DNAH8: variants seen among roughly 807,000 people sequenced by gnomAD.
DNAH8 encodes the protein dynein axonemal heavy chain 8, also known as axonemal beta dynein heavy chain 8.
In DNAH8, 382 loss-of-function variants were observed where a neutral mutation model predicts 562.1. That is an observed-to-expected ratio of 0.68 (90% CI 0.63 to 0.74). DNAH8 has a LOEUF of 0.74. DNAH8 is among the 30% of genes least tolerant of loss of function. The pLI is 0.00. For synonymous variants in DNAH8, 1,881 were observed against 1,919.4 expected (o/e 0.98, Z 0.52); for missense variants, 5,203 against 5,620.4 (o/e 0.93, Z 2.37).
rs911582290 is a variant in DNAH8 at position 38,838,460 on chromosome 6, G to A, written c.4466+418G>A. On this transcript the variant is annotated intron_variant, in intron 33 of 92. Transcript: ENST00000327475. The stretch of plus-strand genomic sequence containing the variant: ...GTTGCCCAGGCTGGAGTGCAGTGGC[G>A]CAATCTCGGCTCACTGCAAGCTCTG... Among the ~76,000 whole-genome samples, 5 of 144,434 alleles carry A rather than the reference G, an allele frequency of 3.5e-5. No homozygotes were observed. The East Asian group carries it at 6.4e-4, about 19-fold the overall frequency. 94.8% of individuals were successfully genotyped at this position (144,434 alleles called of 152,430 possible).
intron 66 of DNAH8, among the ~76,000 whole-genome samples, chr6:38,913,369 C>T (rs1003285063): frequency 9.2e-5 from 14 of 152,254 alleles, no homozygotes; most frequent in South Asian, 4.1e-4. Context: ...TTTTTCTCTA[C>T]GGTGCTAAAA....
intron 53 of DNAH8, among the ~76,000 whole-genome samples, chr6:38,879,657 C>T (rs1778311356): frequency 6.6e-6 from 1 of 152,182 alleles, no homozygotes; most frequent in Non-Finnish European, 1.5e-5. Flanking sequence ...ACAACAAGGA[C>T]GTCTTTCTCA....
chr6:38,787,241 T>C (rs760099308), intron 18 of DNAH8, among the ~76,000 whole-genome samples: 9 of 152,064 alleles, frequency 5.9e-5, no homozygotes, highest in Non-Finnish European at 1.3e-4. Context: ...ATAGATCTTG[T>C]GCATTAAATT....
intron 8 of DNAH8, among the ~76,000 whole-genome samples, chr6:38,743,034 T>TTTTTTTTTTAAAA: frequency 1.3e-5 from 1 of 76,434 alleles, no homozygotes; most frequent in South Asian, 4.2e-4. Context: ...TTTTTTTTTT[T>TTTTTTTTTTAAAA]AAAGACAGAA....
At chr6:38,776,438 G>C (rs1768087173) in intron 13 of DNAH8, among the ~76,000 whole-genome samples, 1 of 152,068 alleles carries the variant, frequency 6.6e-6, no homozygotes, top group African/African-American at 2.4e-5. Flanking sequence ...GGCTGGTCTT[G>C]AACTCCTGAC....
At chr6:38,856,512 T>G (rs1369867236) in intron 41 of DNAH8, among the ~76,000 whole-genome samples, 1 of 152,198 alleles carries the variant, frequency 6.6e-6, no homozygotes, top group Non-Finnish European at 1.5e-5. Context: ...TTTTTCTCTT[T>G]GTCTTTCCCC....
At chr6:39,023,315 A>G (rs917116959) in intron 91 of DNAH8, among the ~76,000 whole-genome samples, 9 of 152,064 alleles carry the variant, frequency 5.9e-5, no homozygotes, top group Admixed American at 2.0e-4. Context: ...ACACAGTGAA[A>G]CCCCGTCTCT....
At chr6:38,770,248 A>G (rs1285575330) in intron 11 of DNAH8, among the ~76,000 whole-genome samples, 165 bp from the exon 12 acceptor site, 1 of 151,120 alleles carries the variant, frequency 6.6e-6, no homozygotes, top group African/African-American at 2.4e-5. Context: ...ATGAGGATGA[A>G]TAAAAGTGAG....
chr6:38,910,264 A>C (rs942223909), intron 65 of DNAH8, among the ~76,000 whole-genome samples: 1 of 152,218 alleles, frequency 6.6e-6, no homozygotes, highest in African/African-American at 2.4e-5. Flanking sequence ...CAGCAATGGC[A>C]TGTTCATTAT....
At chr6:38,844,876 C>A (rs959667100) in intron 35 of DNAH8, among the ~76,000 whole-genome samples, 3 of 152,218 alleles carry the variant, frequency 2.0e-5, no homozygotes, top group African/African-American at 7.2e-5. Context: ...AGACCTCCCT[C>A]CTCAGAAATC....
At chr6:38,902,377 C>T (rs1780136432) in intron 62 of DNAH8, among the ~76,000 whole-genome samples, 3 of 152,290 alleles carry the variant, frequency 2.0e-5, no homozygotes, top group South Asian at 2.1e-4. Flanking sequence ...GAATATTCCT[C>T]TGCCCTAATC....
rs183671698 is a variant in DNAH8 at position 38,784,193 on chromosome 6, A to G, written c.2395+1054A>G. Among the ~76,000 whole-genome samples, 10 of 152,286 alleles carry G rather than the reference A, an allele frequency of 6.6e-5. No individual in the cohort carries two copies. The East Asian group carries it at 1.9e-3, about 29-fold the overall frequency. On this transcript the variant is annotated intron_variant, in intron 17 of 92. Transcript: ENST00000327475. ...GTTTCTGGGTGCTGTGCTATATGGT[A>G]GGACCCTGTGGACTCTAAAGAAAGC...
Position 38,915,218 on chromosome 6 carries a change from A to G in DNAH8, c.9981A>G (p.Thr3327=). Residue 3327 remains threonine (T), a synonymous_variant, in exon 68 of 93, where the codon ACA becomes ACG. Transcript: ENST00000327475. ...IKADEVLAEV[T]VSAQASAKIK... ...CTTAACAGGTATTAGCAGAAGTCAC[A>G]GTAAGCGCTCAGGCTTCAGCCAAAA... 6.2e-7 allele frequency: 1 copy of G among 1,602,602 alleles called. No homozygotes were observed. Among genetic ancestry groups the G allele is most frequent in the Non-Finnish European group, 8.5e-7 (1 of 1,176,282 alleles).
chr6:38,777,452 C>T (rs1768180435), intron 13 of DNAH8, among the ~76,000 whole-genome samples: 1 of 152,106 alleles, frequency 6.6e-6, no homozygotes, highest in Non-Finnish European at 1.5e-5. Context: ...TCTTCGTTTT[C>T]CAATGTTTGA....
chr6:38,791,724 C>T, intron 21 of DNAH8, 50 bp downstream of exon 21: 2 of 1,575,786 alleles, frequency 1.3e-6, no homozygotes, highest in Non-Finnish European at 1.7e-6. Flanking sequence ...GGCCTATAAA[C>T]CTAAAATGTG....
intron 88 of DNAH8, among the ~76,000 whole-genome samples, chr6:38,999,545 C>T (rs1184617017): frequency 1.3e-5 from 2 of 151,948 alleles, no homozygotes; most frequent in African/African-American, 4.8e-5. Flanking sequence ...TTACTTCACT[C>T]TCAAATTATA....
intron 17 of DNAH8, among the ~76,000 whole-genome samples, chr6:38,785,078 A>G (rs1287470197): frequency 6.6e-6 from 1 of 152,242 alleles, no homozygotes; most frequent in Non-Finnish European, 1.5e-5. Context: ...GTGATCACAT[A>G]CAAACAATAT....
At chr6:38,967,837 G>A (rs1763074088) in intron 82 of DNAH8, among the ~76,000 whole-genome samples, 1 of 152,072 alleles carries the variant, frequency 6.6e-6, no homozygotes, top group South Asian at 2.1e-4. Context: ...TGAAAAGAAA[G>A]AACAAAGCTA....
intron 42 of DNAH8, among the ~76,000 whole-genome samples, chr6:38,859,029 C>G (rs1776411575): frequency 6.6e-6 from 1 of 152,160 alleles, no homozygotes; most frequent in Non-Finnish European, 1.5e-5. Flanking sequence ...AAACCATTTT[C>G]TTTTATCTTA....
Sources: allele counts gnomAD v4.1 joint callset (sites outside exome capture counted in the v4.1 genomes callset), GRCh38; gene constraint gnomAD v4.1.1; transcripts MANE v1.5; gene names NCBI Gene and HGNC (gene_info 2026-07-23, HGNC 2026-07-21).